PSD4: variants seen among roughly 807,000 people sequenced by gnomAD.
PSD4 encodes the protein pleckstrin and Sec7 domain containing 4, also known as PH and SEC7 domain-containing protein 4.
In PSD4, 59 loss-of-function variants were observed where a neutral mutation model predicts 112.5. The ratio of observed to expected loss-of-function variants is 0.52; its 90% CI spans 0.43 to 0.65. The LOEUF is 0.65. PSD4 is among the 30% of genes least tolerant of loss of function. The pLI is 0.00. For missense variants in PSD4, 1,267 were observed against 1,352.6 expected (o/e 0.94, Z 0.99); for synonymous variants, 533 against 540.0 (o/e 0.99, Z 0.18).
Position 113,198,869 on chromosome 2 carries a change from C to T in PSD4, c.2754C>T (p.Pro918=), listed in dbSNP as rs1406038990. 2 of 1,592,004 alleles carry T rather than the reference C, an allele frequency of 1.3e-6. No homozygotes were observed. Among genetic ancestry groups the T allele is most frequent in the Non-Finnish European group, 1.7e-6 (2 of 1,176,002 alleles). The change falls in exon 15 of 17, where the codon CCC becomes CCT. Residue 918 remains proline (P), a synonymous_variant. Transcript: ENST00000245796. ...TGCGGCCCATCCTGCCCGTGGGCCC[C>T]GCCCAGAGCTCCCTGGTACGGCCTC... ...RFVRPILPVG[P]AQSSLEEQHR...
Position 113,182,732 on chromosome 2 carries a change from G to C in PSD4, c.276G>C (p.Arg92=). 6.2e-7 allele frequency: 1 copy of C among 1,600,158 alleles called. No homozygotes were observed. Among genetic ancestry groups the C allele is most frequent in the Non-Finnish European group, 8.5e-7 (1 of 1,171,380 alleles). The change falls in exon 2 of 17, where the codon CGG becomes CGC. Residue 92 remains arginine (R), a synonymous_variant. Coordinates refer to ENST00000245796, the MANE Select transcript of PSD4 (RefSeq NM_012455.3). The part of the protein sequence containing the change: ...DGLEPCQEQT[R]ATDPPESTRQ... ...TGGAGCCTTGCCAGGAGCAAACCCG[G>C]GCCACTGACCCTCCTGAATCTACCA...
rs371625850 is a variant in PSD4, at chr2:113,183,191, C to T, written c.735C>T (p.Phe245=). The T allele has an allele frequency of 1.9e-6, 3 of 1,614,084 alleles. No homozygotes were observed. Among genetic ancestry groups the T allele is most frequent in the African/African-American group, 1.3e-5 (1 of 74,936 alleles). The change falls in exon 2 of 17, where the codon TTC becomes TTT. Residue 245 remains phenylalanine, a synonymous_variant. Coordinates refer to ENST00000245796, the MANE Select transcript of PSD4 (RefSeq NM_012455.3). ...GGGGAGCTGAGGAGGAGAGCATGTT[C>T]TTCAGCAACCCCCTCTTCCTGGCGA... The part of the protein sequence containing the change: ...PQWGAEEESM[F]FSNPLFLASP...
At chr2:113,196,499 T>A (rs1390029580) in intron 12 of PSD4, 192 bp downstream of exon 12, 4 of 663,110 alleles carry the variant, frequency 6.0e-6, no homozygotes, top group Admixed American at 3.1e-5. Context: ...AGAGGGTAGG[T>A]AGGAGAACCC....
At position 113,182,754 on chromosome 2, in the gene PSD4, A is replaced by G. The variant is rs139972473; in HGVS notation, c.298A>G (p.Thr100Ala). 6.3e-7 allele frequency: 1 copy of G among 1,594,422 alleles called. No individual in the cohort carries two copies. Among genetic ancestry groups the G allele is most frequent in the Non-Finnish European group, 8.6e-7 (1 of 1,168,736 alleles). Reference protein sequence around the residue: ...QTRATDPPESTRQDAPPWGSG... With the variant: ...QTRATDPPESARQDAPPWGSG... The stretch of plus-strand genomic sequence containing the variant: ...CCGGGCCACTGACCCTCCTGAATCT[A>G]CCAGACAAGATGCTCCTCCCTGGGG... Residue 100 changes from threonine (T) to alanine (A), a missense_variant, in exon 2 of 17, where the codon ACC (threonine) becomes GCC (alanine). Physicochemically the swap from Thr to Ala is moderately conservative, Grantham distance 58. This residue lies in a region of PSD4 where 723 missense variants were observed against 704.0 expected (regional missense o/e 1.03). Transcript: ENST00000245796.
At chr2:113,180,014 TA>T (rs1484444840) in intron 1 of PSD4, among the ~76,000 whole-genome samples, 6 of 152,140 alleles carry the variant, frequency 3.9e-5, no homozygotes, top group Admixed American at 3.9e-4. Flanking sequence ...GAGGCACTTT[TA>T]GAAAAAGGAT....
chr2:113,176,955 C>T (rs1687997635), intron 1 of PSD4, among the ~76,000 whole-genome samples: 7 of 152,092 alleles, frequency 4.6e-5, no homozygotes, highest in Admixed American at 4.6e-4. Flanking sequence ...TTAGGTCATC[C>T]TACCTTTCCA....
chr2:113,184,820 C>A, intron 2 of PSD4, 137 bp from the exon 3 acceptor site: 1 of 1,292,074 alleles, frequency 7.7e-7, no homozygotes, highest in Non-Finnish European at 1.1e-6. Flanking sequence ...CTTGGGCTGG[C>A]ACCACCTGAG....
chr2:113,196,490 G>A, intron 12 of PSD4, 183 bp downstream of exon 12: 1 of 749,408 alleles, frequency 1.3e-6, no homozygotes, highest in Non-Finnish European at 2.1e-6. Context: ...TGAGGCACTA[G>A]AGGGTAGGTA....
chr2:113,178,653 T>C (rs1213335624), intron 1 of PSD4, among the ~76,000 whole-genome samples: 1 of 152,110 alleles, frequency 6.6e-6, no homozygotes, highest in Non-Finnish European at 1.5e-5. Flanking sequence ...CAGCCCCGCA[T>C]TCCCACTCCC....
At chr2:113,193,717 C>CAG in intron 9 of PSD4, 67 bp downstream of exon 9, 2 of 1,572,864 alleles carry the variant, frequency 1.3e-6, no homozygotes, top group Non-Finnish European at 1.7e-6. Flanking sequence ...AGGAGAAGAC[C>CAG]AGAGGCCTGA....
At chr2:113,194,282 T>A (rs891285945) in intron 10 of PSD4, among the ~76,000 whole-genome samples, 2 of 152,212 alleles carry the variant, frequency 1.3e-5, no homozygotes, top group African/African-American at 4.8e-5. Context: ...ATGGTGAAAG[T>A]CTGGAGCTCA....
At position 113,182,935 on chromosome 2, in the gene PSD4, T is replaced by A; in HGVS notation, c.479T>A (p.Ile160Asn). The change falls in exon 2 of 17, where the codon ATC (isoleucine) becomes AAC (asparagine). Residue 160 changes from isoleucine to asparagine, a missense_variant. By Grantham distance (149) the Ile-to-Asn change is moderately radical. Around this residue, in one of 2 missense-constraint regions of PSD4, gnomAD observed 723 missense variants for 704.0 expected, o/e 1.03. Transcript: ENST00000245796. ...TSTQVVFWAGILQAQMCVLDL... is the reference protein window; with the variant it reads ...TSTQVVFWAGNLQAQMCVLDL... ...ACACAGGTAGTGTTCTGGGCAGGCATCCTGCAGGCCCAGATGTGTGTCCTA... is the reference window on the plus strand; with the variant it reads ...ACACAGGTAGTGTTCTGGGCAGGCAACCTGCAGGCCCAGATGTGTGTCCTA... 1.2e-6 allele frequency: 2 copies of A among 1,614,192 alleles called. No homozygotes were observed. The highest frequency in any genetic ancestry group is 1.7e-6 in the Non-Finnish European group (2 of 1,180,036).
Position 113,182,354 on chromosome 2 carries a change from T to C in PSD4, c.-103T>C. ...GCTTTGGGCATTTCCAGGGTAGATA[T>C]GGATTCCCAGTTTCTCCAGCGGCCA... On this transcript the variant is annotated 5_prime_UTR_variant, in exon 2 of 17. The change abolishes an upstream ATG in the 5' untranslated region. Transcript: ENST00000245796. 1 of 1,161,592 alleles carries C rather than the reference T, an allele frequency of 8.6e-7. No homozygotes were observed. Among genetic ancestry groups the C allele is most frequent in the Non-Finnish European group, 1.2e-6 (1 of 818,058 alleles). 72.0% of individuals were successfully genotyped at this position (1,161,592 alleles called of 1,614,324 possible). A position where few individuals can be genotyped will look rare whatever the true frequency, so the allele number is the denominator to read the frequency against.
Position 113,187,928 on chromosome 2 carries a change from C to A in PSD4, c.1628+1673C>A, listed in dbSNP as rs17043102. Among the ~76,000 whole-genome samples, 1,125 of 152,208 alleles carry A rather than the reference C, an allele frequency of 7.4e-3. 12 individuals carry two copies. The highest frequency in any genetic ancestry group is 0.026 in the African/African-American group (1,059 of 41,528). ...CTAACAGAAAAGTGTAAGTACAAAT[C>A]CTGTCAAAAAACATGATTTCATAAG... On this transcript the variant is annotated intron_variant, in intron 5 of 16. Coordinates refer to ENST00000245796, the MANE Select transcript of PSD4 (RefSeq NM_012455.3).
At position 113,205,638 on chromosome 2, in the gene PSD4, A is replaced by T. The variant is rs1203028861; in HGVS notation, c.*4223A>T. Reference sequence around the variant, plus strand: ...GAGCGAGACTCTGTCGAAAAAGAAAAAAAAGATGAAATGCCTTGAAAAAGT... The same window carrying T: ...GAGCGAGACTCTGTCGAAAAAGAAATAAAAGATGAAATGCCTTGAAAAAGT... On this transcript the variant is annotated 3_prime_UTR_variant, in exon 17 of 17. Transcript: ENST00000245796. 1.3e-5 allele frequency: 2 copies of T among 152,246 alleles called. No individual in the cohort carries two copies. The highest frequency in any genetic ancestry group is 1.3e-4 in the Admixed American group (2 of 15,282). The allele number at this position is 152,246 out of a possible 1,614,324, so 9.4% of individuals were successfully genotyped here. A position where few individuals can be genotyped will look rare whatever the true frequency, so the allele number is the denominator to read the frequency against.
At chr2:113,200,249 C>T (rs1208192694) in intron 16 of PSD4, among the ~76,000 whole-genome samples, 2 of 152,202 alleles carry the variant, frequency 1.3e-5, no homozygotes, top group African/African-American at 4.8e-5. Flanking sequence ...CATCTGGGAT[C>T]CTAACACTGG....
intron 5 of PSD4, among the ~76,000 whole-genome samples, chr2:113,191,798 A>C (rs3791339): frequency 1.3e-5 from 2 of 151,784 alleles, no homozygotes; most frequent in East Asian, 3.9e-4. Context: ...TGTTCACACT[A>C]GGTCATAGGT....
At position 113,195,743 on chromosome 2, in the gene PSD4, T is replaced by A; in HGVS notation, c.2198T>A (p.Ile733Asn). The A allele has an allele frequency of 6.2e-7, 1 of 1,614,178 alleles. No homozygotes were observed. Among genetic ancestry groups the A allele is most frequent in the South Asian group, 1.1e-5 (1 of 91,080 alleles). The change falls in exon 11 of 17, where the codon ATC becomes AAC. Residue 733 changes from isoleucine to asparagine, a missense_variant. By Grantham distance (149) the Ile-to-Asn change is moderately radical. This residue lies in a region of PSD4 where 544 missense variants were observed against 648.6 expected (regional missense o/e 0.84). Coordinates refer to ENST00000245796, the MANE Select transcript of PSD4 (RefSeq NM_012455.3). Reference sequence around the variant, plus strand: ...CTGTTCCAGGCCCTCTACTGGTCTATCCGCAGCGAGAAGCTCGAGTGGGCC... The same window carrying A: ...CTGTTCCAGGCCCTCTACTGGTCTAACCGCAGCGAGAAGCTCGAGTGGGCC... ...KELLKALYWS[I>N]RSEKLEWAVD...
chr2:113,198,526 C>T, intron 14 of PSD4: 1 of 473,022 alleles, frequency 2.1e-6, no homozygotes, highest in Non-Finnish European at 3.6e-6. Context: ...CCTGCCAAGG[C>T]GTTGCCACCG....
Sources: gnomAD v4.1 joint callset for allele counts (sites outside exome capture counted in the v4.1 genomes callset) on GRCh38, gnomAD v4.1.1 for gene constraint, gnomAD v4.1.1 regional missense constraint, MANE v1.5 for transcripts, NCBI Gene and HGNC (gene_info 2026-07-23, HGNC 2026-07-21) for gene names.